Variants in ISOC2 observed in about 807,000 individuals in gnomAD.
The protein encoded by ISOC2 is isochorismatase domain-containing protein 2.
A neutral mutation model predicts 19.3 loss-of-function variants in ISOC2; 15 were observed. The observed-to-expected ratio is 0.78, with a 90% CI of 0.52 to 1.20. The LOEUF (loss-of-function observed/expected upper bound fraction) is 1.20, where lower values mean the gene tolerates loss of function less well. Among genes scored for constraint, ISOC2 ranks in the 50% most tolerant of loss-of-function variants. The pLI is 0.00. For synonymous variants in ISOC2, 106 were observed against 115.8 expected, an observed-to-expected ratio of 0.92 and a Z score of 0.54; for missense variants, 285 against 272.4, an observed-to-expected ratio of 1.05 and a Z score of -0.33.
chr19:55,458,141 G>A (rs570059915), intron 1 of ISOC2, among the ~76,000 whole-genome samples: 2 of 152,170 alleles, frequency 1.3e-5, no homozygotes, highest in South Asian at 4.2e-4. Flanking sequence ...CAATTCTTTT[G>A]CAGGGGAGGA....
intron 5 of ISOC2, chr19:55,454,598 G>C (rs1214684017): frequency 1.7e-5 from 3 of 177,296 alleles, no homozygotes; most frequent in Non-Finnish European, 2.4e-5. Context: ...TGGAGAGTTG[G>C]AGATGGGTGT....
Position 55,455,674 on chromosome 19 carries a change from C to G in ISOC2, c.310G>C (p.Val104Leu). 6.2e-7 allele frequency: 1 copy of G among 1,610,720 alleles called. No homozygotes were observed. Among genetic ancestry groups the G allele is most frequent in the South Asian group, 1.1e-5 (1 of 90,654 alleles). Reference protein sequence around the residue: ...ELDSRPQLRSVLLCGIEAQAC... With the variant: ...ELDSRPQLRSLLLCGIEAQAC... ...TGTGCCTCAATGCCACAGAGCAGCA[C>G]AGAGCGCAGCTGGGGCCGACTGTCC... Residue 104 changes from valine to leucine, a missense_variant, in exon 3 of 6, where the codon GTG becomes CTG. By Grantham distance (32) the Val-to-Leu change is conservative (BLOSUM62 1). Transcript: ENST00000425675.
chr19:55,456,729 G>T (rs1008002314), intron 1 of ISOC2, among the ~76,000 whole-genome samples: 1 of 152,174 alleles, frequency 6.6e-6, no homozygotes, highest in Non-Finnish European at 1.5e-5. Flanking sequence ...ACATCCACAC[G>T]TGGCTCCGGG....
chr19:55,455,442 C>T (rs928136594), intron 3 of ISOC2, 112 bp from the exon 4 acceptor site: 41 of 1,429,858 alleles, frequency 2.9e-5, no homozygotes, highest in African/African-American at 1.7e-4. Flanking sequence ...GAGGGAGGCT[C>T]GGATCAGAGG....
At chr19:55,459,000 T>C (rs1986154843) in intron 1 of ISOC2, among the ~76,000 whole-genome samples, 2 of 152,036 alleles carry the variant, frequency 1.3e-5, no homozygotes, top group African/African-American at 4.8e-5. Flanking sequence ...GGCGCAATCA[T>C]AGCTCACTGC....
rs1236974043 is a variant in ISOC2, at chr19:55,455,257, C to T, written c.419+3G>A. On this transcript the variant is annotated splice_donor_region_variant and intron_variant, in intron 4 of 5. Transcript: ENST00000425675. The stretch of plus-strand genomic sequence containing the variant: ...GCACCCACCCAGGCAGGGGCCCTCT[C>T]ACCTGCGTGAGGAGCAGGCGTCCAC... 6.2e-6 allele frequency: 10 copies of T among 1,608,992 alleles called. No individual in the cohort carries two copies. Among genetic ancestry groups the T allele is most frequent in the Middle Eastern group, 1.7e-4 (1 of 5,822 alleles).
At position 55,456,421 on chromosome 19, in the gene ISOC2, G is replaced by T; in HGVS notation, c.66C>A (p.Asp22Glu). 1 of 1,613,920 alleles carries T rather than the reference G, an allele frequency of 6.2e-7. No homozygotes were observed. Among genetic ancestry groups the T allele is most frequent in the Non-Finnish European group, 8.5e-7 (1 of 1,179,882 alleles). The change falls in exon 2 of 6, where the codon GAC becomes GAA. Residue 22 changes from aspartate to glutamate, a missense_variant. Physicochemically the swap from Asp to Glu is conservative, Grantham distance 45. Coordinates refer to ENST00000425675, the MANE Select transcript of ISOC2 (RefSeq NM_001136201.2). ...LPGSSVLFLC[D>E]MQEKFRHNIA... The stretch of plus-strand genomic sequence containing the variant: ...TGTTGTGGCGGAACTTCTCCTGCAT[G>T]TCACACAGGAACAGGACAGAGGATC...
At position 55,457,484 on chromosome 19, in the gene ISOC2, G is replaced by A. The variant is rs1209869514; in HGVS notation, c.-3-995C>T. ...CAGGAGGCAGAGGTTGTAGTGAGCCGAGATCACACCACTGCACTCCAGCCT... is the reference window on the plus strand; with the variant it reads ...CAGGAGGCAGAGGTTGTAGTGAGCCAAGATCACACCACTGCACTCCAGCCT... On this transcript the variant is annotated intron_variant, in intron 1 of 5. Coordinates refer to ENST00000425675, the MANE Select transcript of ISOC2 (RefSeq NM_001136201.2). 2.7e-5 allele frequency among the ~76,000 whole-genome samples: 4 copies of A among 150,608 alleles called. No individual in the cohort carries two copies. In the East Asian group the frequency reaches 7.8e-4, roughly 30 times the overall value.
At chr19:55,454,951 A>G in intron 5 of ISOC2, 38 bp downstream of exon 5, 1 of 1,421,824 alleles carries the variant, frequency 7.0e-7, no homozygotes, top group Non-Finnish European at 9.9e-7. Flanking sequence ...GACCTTTGAC[A>G]GATGCAGGGG....
rs2303089 is a variant in ISOC2, at chr19:55,453,353, G to A, written c.573C>T (p.Ser191=). The A allele has an allele frequency of 0.045, 72,510 of 1,606,022 alleles. 3,601 individuals carry two copies. The highest frequency in any genetic ancestry group is 0.21 in the Admixed American group (12,310 of 58,300). ...GGCCTTGGAAGAGGCCCAGCAGTCC[G>A]CTGTCTGGGGCGGGCTCCTTGATGA... ...QKLIKEPAPD[S]GLLGLFQGQN... Residue 191 remains serine (S), a synonymous_variant, in exon 6 of 6, where the codon AGC becomes AGT. Coordinates refer to ENST00000425675, the MANE Select transcript of ISOC2 (RefSeq NM_001136201.2).
intron 3 of ISOC2, 128 bp from the exon 4 acceptor site, chr19:55,455,458 G>A (rs1986019948): frequency 3.0e-6 from 4 of 1,345,622 alleles, no homozygotes; most frequent in Non-Finnish European, 4.2e-6. Context: ...AGAGGAAGGG[G>A]CCCCCAGGTC....
At chr19:55,453,661 T>G (rs1351229518) in intron 5 of ISOC2, 1 of 270,266 alleles carries the variant, frequency 3.7e-6, no homozygotes, top group Non-Finnish European at 6.9e-6. Flanking sequence ...TGTCTACACC[T>G]TCCTCTTCTT....
chr19:55,456,536 C>G, intron 1 of ISOC2, 47 bp from the exon 2 acceptor site: 1 of 1,600,956 alleles, frequency 6.2e-7, no homozygotes, highest in South Asian at 1.1e-5. Context: ...GGGCTCCTCT[C>G]AGTGTCTCCA....
At chr19:55,456,967 G>GA (rs1986082488) in intron 1 of ISOC2, 1 of 159,188 alleles carries the variant, frequency 6.3e-6, no homozygotes, top group African/African-American at 2.4e-5. Context: ...GGTTACATCA[G>GA]CCCCGGTTAC....
chr19:55,452,988 A>C lies in ISOC2; in HGVS notation c.*320T>G. On this transcript the variant is annotated 3_prime_UTR_variant, in exon 6 of 6. Coordinates refer to ENST00000425675, the MANE Select transcript of ISOC2 (RefSeq NM_001136201.2). ...CCAACCCAAGAATGGTTTGGTCCACAGCCACATATATGTTTATTCTGCGAG... is the reference window on the plus strand; with the variant it reads ...CCAACCCAAGAATGGTTTGGTCCACCGCCACATATATGTTTATTCTGCGAG... The C allele has an allele frequency of 5.2e-6, 1 of 192,488 alleles. No individual in the cohort carries two copies. Among genetic ancestry groups the C allele is most frequent in the Non-Finnish European group, 1.0e-5 (1 of 96,284 alleles). The allele number at this position is 192,488 out of a possible 1,614,324, so 11.9% of individuals were successfully genotyped here.
In ISOC2 at chr19:55,461,613, G is replaced by A. The variant is rs373760054; in HGVS notation, c.-105C>T. The A allele has an allele frequency of 1.3e-5, 2 of 152,242 alleles. No homozygotes were observed. Among genetic ancestry groups the A allele is most frequent in the African/African-American group, 4.8e-5 (2 of 41,444 alleles). The allele number at this position is 152,242 out of a possible 1,614,324, so 9.4% of individuals were successfully genotyped here. A position where few individuals can be genotyped will look rare whatever the true frequency, so the allele number is the denominator to read the frequency against. ...GACGGCCACCGCTGAGGCCTCTTGC[G>A]GGCTTCCCAGGGCTGGTTACCGTTT... is the stretch of plus-strand genomic sequence containing the variant. On this transcript the variant is annotated 5_prime_UTR_variant, in exon 1 of 6. Coordinates refer to ENST00000425675, the MANE Select transcript of ISOC2 (RefSeq NM_001136201.2).
At chr19:55,459,732 A>G (rs113828618) in intron 1 of ISOC2, 7,628 of 152,124 alleles carry the variant, frequency 0.05, 245 homozygotes, top group African/African-American at 0.095. Flanking sequence ...CTCATGTGCT[A>G]ACTCTTCCTC....
At position 55,455,077 on chromosome 19, in the gene ISOC2, C is replaced by T. The variant is rs551380020; in HGVS notation, c.449G>A (p.Arg150His). The change falls in exon 5 of 6, where the codon CGC (arginine) becomes CAC (histidine). Residue 150 changes from arginine to histidine, a missense_variant. Arg to His is a conservative substitution (Grantham distance 29). Transcript: ENST00000425675. ...SQVDRLVALA[R>H]MRQSGAFLST... Reference sequence around the variant, plus strand: ...GAGGAAGGCACCACTCTGTCTCATGCGGGCCAGAGCCACCAGCCGGTCCAC... The same window carrying T: ...GAGGAAGGCACCACTCTGTCTCATGTGGGCCAGAGCCACCAGCCGGTCCAC... 114 of 1,378,074 alleles carry T rather than the reference C, an allele frequency of 8.3e-5. No individual in the cohort carries two copies. The highest frequency in any genetic ancestry group is 4.1e-4 in the Middle Eastern group (2 of 4,856). 85.4% of individuals were successfully genotyped at this position (1,378,074 alleles called of 1,614,324 possible). A position where few individuals can be genotyped will look rare whatever the true frequency, so the allele number is the denominator to read the frequency against.
At chr19:55,456,568 C>T (rs1484259207) in intron 1 of ISOC2, 79 bp from the exon 2 acceptor site, 1 of 1,560,222 alleles carries the variant, frequency 6.4e-7, no homozygotes, top group Non-Finnish European at 8.7e-7. Context: ...GGTCCTCACA[C>T]TCAGAGCCTG....
Sources: gnomAD v4.1 joint callset for allele counts (sites outside exome capture counted in the v4.1 genomes callset) on GRCh38, gnomAD v4.1.1 for gene constraint, MANE v1.5 for transcripts, NCBI Gene and HGNC (gene_info 2026-07-23, HGNC 2026-07-21) for gene names.